Variants in EXOSC7 observed in about 807,000 individuals in gnomAD.
EXOSC7 encodes the protein exosome complex component RRP42.
In EXOSC7, 25 loss-of-function variants were observed where a neutral mutation model predicts 34.3. That is an observed-to-expected ratio of 0.73 (90% confidence interval 0.53 to 1.02). EXOSC7 has a LOEUF of 1.02. EXOSC7 is among the 50% of genes least tolerant of loss of function. The pLI is 0.00. For missense variants in EXOSC7, 370 were observed against 368.5 expected (o/e 1.00, Z -0.03); for synonymous variants, 130 against 143.0 (o/e 0.91, Z 0.65).
rs76598308 is a variant in EXOSC7, at chr3:44,994,245, T to TA, written c.255-2825dup. ...GTGGTGTCTAGCTCATGCTAAACAT[T>TA]AAAAAAAAAAAAAAAAAGATAAGGT... On this transcript the variant is annotated intron_variant, in intron 3 of 7. Coordinates refer to ENST00000265564, the MANE Select transcript of EXOSC7 (RefSeq NM_015004.4). Among the ~76,000 whole-genome samples, 1,366 of 137,068 alleles carry TA rather than the reference T, an allele frequency of 1.0e-2. 10 individuals are homozygous for TA. The highest frequency in any genetic ancestry group is 0.019 in the Middle Eastern group (5 of 266). The allele number at this position is 137,068 out of a possible 152,430, so 89.9% of individuals were successfully genotyped here. A position where few individuals can be genotyped will look rare whatever the true frequency, so the allele number is the denominator to read the frequency against.
At chr3:44,984,995 C>A (rs1356864886) in intron 1 of EXOSC7, among the ~76,000 whole-genome samples, 1 of 152,210 alleles carries the variant, frequency 6.6e-6, no homozygotes, top group Non-Finnish European at 1.5e-5. Context: ...GGCCTGGAAC[C>A]ATGAGTCATG....
At chr3:45,004,484 G>C (rs760473277) in intron 5 of EXOSC7, 1 of 150,964 alleles carries the variant, frequency 6.6e-6, no homozygotes, top group Non-Finnish European at 1.5e-5. Context: ...TCGAACTCCT[G>C]ACCTCAGGTG....
At chr3:44,980,887 G>C (rs927271843) in intron 1 of EXOSC7, among the ~76,000 whole-genome samples, 1 of 152,118 alleles carries the variant, frequency 6.6e-6, no homozygotes, top group Non-Finnish European at 1.5e-5. Context: ...TATCATAAAC[G>C]ATTTACTCTG....
intron 2 of EXOSC7, 24 bp from the exon 3 acceptor site, chr3:44,989,526 G>C (rs1439497719): frequency 6.3e-7 from 1 of 1,579,072 alleles, no homozygotes. Context: ...TCTGAGTGAG[G>C]ACTCTTCTTG....
Position 44,979,207 on chromosome 3 carries a change from A to T in EXOSC7, c.57+2873A>T, listed in dbSNP as rs1043921824. Among the ~76,000 whole-genome samples, 3 of 152,230 alleles carry T rather than the reference A, an allele frequency of 2.0e-5. No homozygotes were observed. The South Asian group carries it at 6.2e-4, about 31-fold the overall frequency. On this transcript the variant is annotated intron_variant, in intron 1 of 7. Transcript: ENST00000265564. ...CAGGATGCAGGTGAATGAGCCTACC[A>T]TGGAATCTCAACTGATTCAGTTCTG...
At chr3:45,009,930 T>C (rs930738862) in intron 7 of EXOSC7, among the ~76,000 whole-genome samples, 2 of 152,226 alleles carry the variant, frequency 1.3e-5, no homozygotes, top group South Asian at 4.1e-4. Context: ...AAATCATCTT[T>C]TCATAAGAGT....
At chr3:44,983,016 C>A (rs745757361) in intron 1 of EXOSC7, among the ~76,000 whole-genome samples, 9 of 152,198 alleles carry the variant, frequency 5.9e-5, no homozygotes, top group Non-Finnish European at 1.2e-4. Context: ...CTTTAGGAAT[C>A]TGGAGTATTA....
chr3:45,007,340 G>C, intron 6 of EXOSC7, 80 bp from the exon 7 acceptor site: 1 of 1,495,810 alleles, frequency 6.7e-7, no homozygotes. Flanking sequence ...CTGGTGTAGA[G>C]ATTCCCACCA....
intron 4 of EXOSC7, among the ~76,000 whole-genome samples, chr3:44,998,034 T>G (rs1019713354): frequency 6.6e-6 from 1 of 151,036 alleles, no homozygotes; most frequent in African/African-American, 2.4e-5. Context: ...TTTTTTTGTT[T>G]TTTTGTTTTT....
At chr3:44,991,639 G>A (rs1469392212) in intron 3 of EXOSC7, among the ~76,000 whole-genome samples, 1 of 152,158 alleles carries the variant, frequency 6.6e-6, no homozygotes. Context: ...CTCCAAGTTA[G>A]CCTGCTGCTC....
chr3:44,999,251 C>T (rs1267715308), intron 4 of EXOSC7, among the ~76,000 whole-genome samples: 6 of 152,252 alleles, frequency 3.9e-5, no homozygotes, highest in African/African-American at 7.2e-5. Context: ...ATACATGGTG[C>T]GCAGGAATAT....
intron 5 of EXOSC7, among the ~76,000 whole-genome samples, chr3:45,002,552 T>A (rs892848327): frequency 6.6e-6 from 1 of 152,244 alleles, no homozygotes; most frequent in Non-Finnish European, 1.5e-5. Context: ...AGTCCCCTCA[T>A]CCTGGTTTTT....
chr3:45,011,525 C>A (rs564065745), downstream of EXOSC7: 5 of 479,596 alleles, frequency 1.0e-5, no homozygotes, highest in Non-Finnish European at 1.5e-5. Context: ...ATTCAGTGAC[C>A]CATCTGGGTC....
chr3:45,006,951 C>A (rs1361816977), intron 6 of EXOSC7, among the ~76,000 whole-genome samples: 3 of 152,034 alleles, frequency 2.0e-5, no homozygotes, highest in Non-Finnish European at 4.4e-5. Flanking sequence ...TCTCAAACTC[C>A]TGAGCTCAAG....
At chr3:44,996,542 C>T (rs1438701070) in intron 3 of EXOSC7, among the ~76,000 whole-genome samples, 1 of 152,316 alleles carries the variant, frequency 6.6e-6, no homozygotes, top group East Asian at 1.9e-4. Context: ...AAGTTTCTGA[C>T]AAAGCTCTGA....
chr3:44,976,941 T>G (rs1706065586), intron 1 of EXOSC7, among the ~76,000 whole-genome samples: 1 of 151,896 alleles, frequency 6.6e-6, no homozygotes, highest in Non-Finnish European at 1.5e-5. Context: ...TAGCTGGGCG[T>G]GGTGGCGCAC....
intron 5 of EXOSC7, 167 bp downstream of exon 5, chr3:45,001,775 G>A (rs1365712098): frequency 5.1e-6 from 3 of 587,168 alleles, no homozygotes; most frequent in African/African-American, 1.9e-5. Flanking sequence ...GATAGATTTC[G>A]TGAATTAAAA....
rs1277680989 is a variant in EXOSC7, at chr3:44,977,579, A to G, written c.57+1245A>G. On this transcript the variant is annotated intron_variant, in intron 1 of 7. Transcript: ENST00000265564. Reference sequence around the variant, plus strand: ...ATAATTCAGGATTAACAACAGTGGGACATATGTGTGTATTACAGGGTAACA... The same window carrying G: ...ATAATTCAGGATTAACAACAGTGGGGCATATGTGTGTATTACAGGGTAACA... Among the ~76,000 whole-genome samples, 6 of 152,364 alleles carry G rather than the reference A, an allele frequency of 3.9e-5. No individual in the cohort carries two copies. The East Asian group carries it at 7.7e-4, about 20-fold the overall frequency.
chr3:44,998,011 G>C (rs1048782887), intron 4 of EXOSC7, among the ~76,000 whole-genome samples: 1 of 151,104 alleles, frequency 6.6e-6, no homozygotes, highest in East Asian at 1.9e-4. Flanking sequence ...TCTCTGTGTA[G>C]CTCTAATTAA....
Sources: allele counts gnomAD v4.1 joint callset (sites outside exome capture counted in the v4.1 genomes callset), GRCh38; gene constraint gnomAD v4.1.1; transcripts MANE v1.5; gene names NCBI Gene and HGNC (gene_info 2026-07-23, HGNC 2026-07-21).